EPHB1: variants seen among roughly 807,000 people sequenced by gnomAD.
EPHB1 encodes EPH receptor B1.
In EPHB1, 30 loss-of-function variants were observed where a neutral mutation model predicts 94.4. The observed-to-expected ratio is 0.32, with a 90% CI of 0.24 to 0.43. EPHB1 has a LOEUF of 0.43. EPHB1 is among the 20% of genes least tolerant of loss of function. EPHB1 has a pLI of 1.00. For missense variants in EPHB1, 1,055 were observed against 1,308.3 expected, an observed-to-expected ratio of 0.81 and a Z score of 2.99; for synonymous variants, 522 against 489.1, an observed-to-expected ratio of 1.07 and a Z score of -0.89.
chr3:135,034,343 G>A (rs1014891971), intron 3 of EPHB1, among the ~76,000 whole-genome samples: 8 of 152,258 alleles, frequency 5.3e-5, no homozygotes, highest in South Asian at 2.1e-4. Flanking sequence ...TGCACCTCCC[G>A]TTCAGGGAGG....
chr3:135,183,777 G>A (rs1444929275), intron 10 of EPHB1, among the ~76,000 whole-genome samples: 1 of 152,178 alleles, frequency 6.6e-6, no homozygotes, highest in Admixed American at 6.5e-5. Flanking sequence ...GAAAGTTGCT[G>A]GAGAGGGATT....
At chr3:135,018,623 C>A (rs1261878929) in intron 3 of EPHB1, among the ~76,000 whole-genome samples, 1 of 152,140 alleles carries the variant, frequency 6.6e-6, no homozygotes, top group Non-Finnish European at 1.5e-5. Context: ...TTAGCAGATA[C>A]CTTTGAACAT....
intron 3 of EPHB1, among the ~76,000 whole-genome samples, chr3:134,968,739 C>G (rs1440030746): frequency 2.0e-5 from 3 of 152,172 alleles, no homozygotes; most frequent in Non-Finnish European, 2.9e-5. Context: ...CTCCATCCCC[C>G]ACCCCCAGGG....
At chr3:134,952,516 AT>A (rs1342882866) in intron 3 of EPHB1, among the ~76,000 whole-genome samples, 3 of 152,050 alleles carry the variant, frequency 2.0e-5, no homozygotes, top group African/African-American at 7.2e-5. Context: ...TTTGGAAAAT[AT>A]TTTAGTTCAT....
chr3:135,232,259 C>T (rs1943549757), intron 12 of EPHB1, among the ~76,000 whole-genome samples: 2 of 152,192 alleles, frequency 1.3e-5, no homozygotes, highest in Admixed American at 6.5e-5. Flanking sequence ...GACATTTATT[C>T]TAAAATACCT....
At chr3:135,073,930 G>C (rs2107783267) in intron 3 of EPHB1, among the ~76,000 whole-genome samples, 1 of 152,128 alleles carries the variant, frequency 6.6e-6, no homozygotes, top group East Asian at 1.9e-4. Context: ...AGTTTGATAA[G>C]ATTCAGGCTT....
At chr3:135,042,837 A>ATTTT (rs1438378025) in intron 3 of EPHB1, among the ~76,000 whole-genome samples, 1 of 149,690 alleles carries the variant, frequency 6.7e-6, no homozygotes, top group Non-Finnish European at 1.5e-5. Flanking sequence ...GTATTTATTT[A>ATTTT]TTTTTTATTT....
At chr3:135,154,345 T>A in intron 6 of EPHB1, 69 bp downstream of exon 6, 1 of 1,600,202 alleles carries the variant, frequency 6.2e-7, no homozygotes, top group South Asian at 1.1e-5. Context: ...GGTTGCTAGC[T>A]GAAGGCACAA....
intron 1 of EPHB1, among the ~76,000 whole-genome samples, chr3:134,807,368 G>A (rs905783247): frequency 2.6e-5 from 4 of 152,272 alleles, no homozygotes; most frequent in Admixed American, 1.3e-4. Flanking sequence ...ACAGAGCCAC[G>A]CAGACTACAG....
At chr3:135,139,283 G>A (rs1244410540) in intron 5 of EPHB1, among the ~76,000 whole-genome samples, 4 of 152,176 alleles carry the variant, frequency 2.6e-5, no homozygotes, top group African/African-American at 9.7e-5. Flanking sequence ...ATGTTGCTTA[G>A]GATGATGCTA....
intron 3 of EPHB1, among the ~76,000 whole-genome samples, chr3:135,091,925 C>T (rs1483249482): frequency 1.3e-5 from 2 of 152,106 alleles, no homozygotes; most frequent in East Asian, 3.9e-4. Context: ...ATTGTCCAGC[C>T]TTTAGATAGA....
chr3:134,823,710 G>GT (rs1487381285), intron 1 of EPHB1: 2 of 152,210 alleles, frequency 1.3e-5, no homozygotes, highest in Non-Finnish European at 2.9e-5. Flanking sequence ...AAGCTGGTAA[G>GT]TTTTCCACTC....
intron 3 of EPHB1, among the ~76,000 whole-genome samples, chr3:134,981,085 C>T (rs1213797924): frequency 6.6e-6 from 1 of 152,200 alleles, no homozygotes; most frequent in Non-Finnish European, 1.5e-5. Flanking sequence ...ATTGCTAACA[C>T]ACTGGGGTCT....
chr3:134,808,836 T>A (rs1428218723), intron 1 of EPHB1, among the ~76,000 whole-genome samples: 1 of 152,220 alleles, frequency 6.6e-6, no homozygotes, highest in African/African-American at 2.4e-5. Flanking sequence ...GCAAAGTGAT[T>A]TTTGGATTAG....
At chr3:134,936,571 G>A (rs9832922) in intron 2 of EPHB1, among the ~76,000 whole-genome samples, 55 of 151,468 alleles carry the variant, frequency 3.6e-4, no homozygotes, top group African/African-American at 1.3e-3. Context: ...GGCTGAACGC[G>A]CCCCCCCCTC....
intron 5 of EPHB1, among the ~76,000 whole-genome samples, chr3:135,153,175 T>C (rs1276509750): frequency 3.3e-5 from 5 of 152,164 alleles, no homozygotes; most frequent in African/African-American, 1.2e-4. Context: ...TTGAGGATAG[T>C]AAATGTCACT....
intron 12 of EPHB1, among the ~76,000 whole-genome samples, chr3:135,222,508 A>G (rs1354386282): frequency 6.6e-6 from 1 of 152,192 alleles, no homozygotes; most frequent in Non-Finnish European, 1.5e-5. Context: ...CCTTAGCACA[A>G]TGAGAAGACC....
In EPHB1 at chr3:135,248,512, G is replaced by A. The variant is rs2107731419; in HGVS notation, c.2690+3G>A. 6.3e-7 allele frequency: 1 copy of A among 1,585,556 alleles called. No homozygotes were observed. Among genetic ancestry groups the A allele is most frequent in the South Asian group, 1.1e-5 (1 of 88,594 alleles). The stretch of plus-strand genomic sequence containing the variant: ...ACTGTGGCAACCATCACCGCCGTGT[G>A]AGTCTAGTGAAACGGTGATCCCTAA... On this transcript the variant is annotated splice_donor_region_variant and intron_variant, in intron 14 of 15. Transcript: ENST00000398015.
chr3:134,828,082 G>A (rs965335196), intron 1 of EPHB1, among the ~76,000 whole-genome samples: 1 of 152,110 alleles, frequency 6.6e-6, no homozygotes, highest in Admixed American at 6.5e-5. Context: ...CTGGTCCATG[G>A]GTGGCTTCCT....
Sources: gnomAD v4.1 joint callset for allele counts (sites outside exome capture counted in the v4.1 genomes callset) on GRCh38, gnomAD v4.1.1 for gene constraint, MANE v1.5 for transcripts, NCBI Gene and HGNC (gene_info 2026-07-23, HGNC 2026-07-21) for gene names.